SV2B: variants seen among roughly 807,000 people sequenced by gnomAD.
The protein encoded by SV2B is solute carrier family 22 member B2.
In SV2B, 41 loss-of-function variants were observed where a neutral mutation model predicts 73.9. That is an observed-to-expected ratio of 0.56 (90% confidence interval 0.43 to 0.72). The LOEUF is 0.72. Among genes scored for constraint, SV2B ranks in the 30% least tolerant of loss-of-function variants. The probability of loss-of-function intolerance (pLI) is 0.00; values close to 1 mark genes in which losing one functional copy is unlikely to be tolerated. For missense variants in SV2B, 764 were observed against 857.8 expected, an observed-to-expected ratio of 0.89 and a Z score of 1.37; for synonymous variants, 314 against 314.2, an observed-to-expected ratio of 1.00 and a Z score of 0.01.
intron 1 of SV2B, among the ~76,000 whole-genome samples, chr15:91,206,722 A>G (rs2045654377): frequency 6.6e-6 from 1 of 152,176 alleles, no homozygotes; most frequent in Admixed American, 6.5e-5. Flanking sequence ...TGGTATACTC[A>G]TAGGATATAA....
intron 1 of SV2B, among the ~76,000 whole-genome samples, chr15:91,120,186 C>T (rs2151743057): frequency 6.6e-6 from 1 of 152,296 alleles, no homozygotes; most frequent in African/African-American, 2.4e-5. Context: ...AATTGACTCA[C>T]AGTTCCACAA....
chr15:91,290,929 C>T lies in SV2B; in HGVS notation c.1868+1249C>T, dbSNP rs562590803. On this transcript the variant is annotated intron_variant, in intron 12 of 12. Transcript: ENST00000394232. This position sits in a 1 kb window ranked among gnomAD's most constrained non-coding sequence, Gnocchi z 4.7. ...CTCAGGAGGCTGAGGGGGAGAGCTG[C>T]GAGAGCCCCGGGGTTTCAGGGTTAC... 4.6e-4 allele frequency among the ~76,000 whole-genome samples: 70 copies of T among 151,870 alleles called. 1 individual carries two copies. In the East Asian group the frequency reaches 8.5e-3, roughly 18 times the overall value.
At chr15:91,275,957 G>A (rs1164903801) in intron 9 of SV2B, among the ~76,000 whole-genome samples, 1 of 152,118 alleles carries the variant, frequency 6.6e-6, no homozygotes, top group Non-Finnish European at 1.5e-5. Context: ...TTCTTGTAGT[G>A]AAATTATGAT....
At position 91,274,578 on chromosome 15, in the gene SV2B, G is replaced by A. The variant is rs150242011; in HGVS notation, c.1373+5973G>A. Among the ~76,000 whole-genome samples, 39 of 152,174 alleles carry A rather than the reference G, an allele frequency of 2.6e-4. 1 individual carries two copies. The East Asian group carries it at 7.1e-3, about 28-fold the overall frequency. On this transcript the variant is annotated intron_variant, in intron 9 of 12. Transcript: ENST00000394232. ...ATTTATCAGCATAAAAGTATTCATCGTCTTGTCTTAGGACATTTAAAATCT... is the reference window on the plus strand; with the variant it reads ...ATTTATCAGCATAAAAGTATTCATCATCTTGTCTTAGGACATTTAAAATCT...
intron 1 of SV2B, among the ~76,000 whole-genome samples, chr15:91,164,275 A>G (rs951534276): frequency 2.0e-5 from 3 of 152,212 alleles, no homozygotes; most frequent in African/African-American, 7.2e-5. Context: ...GAACCAAAAA[A>G]GAGCCCGCAT....
At chr15:91,257,885 C>G (rs2047755886) in intron 4 of SV2B, among the ~76,000 whole-genome samples, 1 of 152,188 alleles carries the variant, frequency 6.6e-6, no homozygotes, top group Non-Finnish European at 1.5e-5. Flanking sequence ...ATTCTCATCA[C>G]AGTGGTGTGT....
At chr15:91,107,918 CT>C (rs1460424967) in intron 1 of SV2B, among the ~76,000 whole-genome samples, 1 of 152,124 alleles carries the variant, frequency 6.6e-6, no homozygotes, top group African/African-American at 2.4e-5. Flanking sequence ...CCCAAGCTTC[CT>C]TACTTTCTAG....
chr15:91,169,112 G>A (rs904418288), intron 1 of SV2B, among the ~76,000 whole-genome samples: 1 of 152,158 alleles, frequency 6.6e-6, no homozygotes, highest in East Asian at 1.9e-4. Context: ...TTCTGCATAT[G>A]AAGTAGTAAT....
At chr15:91,272,544 G>A (rs576673014) in intron 9 of SV2B, among the ~76,000 whole-genome samples, 1 of 152,112 alleles carries the variant, frequency 6.6e-6, no homozygotes, top group Non-Finnish European at 1.5e-5. Context: ...TCTTACTCAG[G>A]TAGGAACGTG....
chr15:91,249,797 C>T (rs560266824), intron 2 of SV2B, among the ~76,000 whole-genome samples: 333 of 152,242 alleles, frequency 2.2e-3, no homozygotes, highest in African/African-American at 7.1e-3. Context: ...ACATGCAATC[C>T]GCCAACACTC....
chr15:91,114,115 C>T (rs1170877707), intron 1 of SV2B, among the ~76,000 whole-genome samples: 10 of 131,358 alleles, frequency 7.6e-5, no homozygotes, highest in East Asian at 2.5e-4. Context: ...ACCCAGGAGG[C>T]GGAGCTTGCA....
chr15:91,300,344 T>C lies in SV2B; in HGVS notation c.*7792T>C, dbSNP rs1196035371. On this transcript the variant is annotated 3_prime_UTR_variant, in exon 13 of 13. Coordinates refer to ENST00000394232, the MANE Select transcript of SV2B (RefSeq NM_001323032.3). Reference sequence around the variant, plus strand: ...CAGACCAAAAGGGTGTCTCTATTTTTTGTTGTTACTTCTCTGTTCTTGATG... The same window carrying C: ...CAGACCAAAAGGGTGTCTCTATTTTCTGTTGTTACTTCTCTGTTCTTGATG... 2.6e-5 allele frequency: 4 copies of C among 152,176 alleles called. No individual in the cohort carries two copies. The East Asian group carries it at 7.7e-4, about 29-fold the overall frequency. 9.4% of individuals were successfully genotyped at this position (152,176 alleles called of 1,614,324 possible). A position where few individuals can be genotyped will look rare whatever the true frequency, so the allele number is the denominator to read the frequency against.
chr15:91,253,039 G>A lies in SV2B; in HGVS notation c.784+519G>A, dbSNP rs557179578. Among the ~76,000 whole-genome samples, 30 of 152,266 alleles carry A rather than the reference G, an allele frequency of 2.0e-4. No homozygotes were observed. Among genetic ancestry groups the A allele is most frequent in the Admixed American group, 5.9e-4 (9 of 15,300 alleles). Reference sequence around the variant, plus strand: ...TGCCTGCTGTCACTCTTGTTTGGCCGTGACAGTGCAGGAGCCCTTATAGAC... The same window carrying A: ...TGCCTGCTGTCACTCTTGTTTGGCCATGACAGTGCAGGAGCCCTTATAGAC... On this transcript the variant is annotated intron_variant, in intron 4 of 12. Coordinates refer to ENST00000394232, the MANE Select transcript of SV2B (RefSeq NM_001323032.3). The surrounding 1 kb of genome is among the most constrained non-coding windows in gnomAD (Gnocchi z 5.0).
chr15:91,247,362 A>G (rs1401629257), intron 2 of SV2B, among the ~76,000 whole-genome samples: 1 of 152,234 alleles, frequency 6.6e-6, no homozygotes, highest in African/African-American at 2.4e-5. Context: ...TGTCTAGATC[A>G]GTCATGGGAT....
In SV2B at chr15:91,105,180, G is replaced by C. The variant is rs1484453763; in HGVS notation, c.-392+4817G>C. Among the ~76,000 whole-genome samples, 2 of 152,202 alleles carry C rather than the reference G, an allele frequency of 1.3e-5. No homozygotes were observed. The highest frequency in any genetic ancestry group is 4.8e-5 in the African/African-American group (2 of 41,448). ...TGAAGCATTCATTCTAGTTGAGGGAGACAAATAATATGTAAGTAAATAATG... is the reference window on the plus strand; with the variant it reads ...TGAAGCATTCATTCTAGTTGAGGGACACAAATAATATGTAAGTAAATAATG... On this transcript the variant is annotated intron_variant, in intron 1 of 12. Coordinates refer to ENST00000394232, the MANE Select transcript of SV2B (RefSeq NM_001323032.3). This position sits in a 1 kb window ranked among gnomAD's most constrained non-coding sequence, Gnocchi z 5.5.
intron 1 of SV2B, among the ~76,000 whole-genome samples, chr15:91,200,053 A>G (rs556444350): frequency 6.6e-6 from 1 of 152,342 alleles, no homozygotes; most frequent in South Asian, 2.1e-4. Flanking sequence ...GCTAAGGTGC[A>G]TTAAATGGTC....
In SV2B at chr15:91,137,307, C is replaced by A. The variant is rs1481207128; in HGVS notation, c.-392+36944C>A. On this transcript the variant is annotated intron_variant, in intron 1 of 12. Transcript: ENST00000394232. The surrounding 1 kb of genome is among the most constrained non-coding windows in gnomAD (Gnocchi z 4.9). ...CACCCTCATATTAGAGTCTACCCAC[C>A]TCCATTGTTTTAAAAATTGTGTGAT... Among the ~76,000 whole-genome samples, 1 of 152,090 alleles carries A rather than the reference C, an allele frequency of 6.6e-6. No homozygotes were observed. The highest frequency in any genetic ancestry group is 1.5e-5 in the Non-Finnish European group (1 of 68,018).
Position 91,297,444 on chromosome 15 carries a change from C to T in SV2B, c.*4892C>T, listed in dbSNP as rs903770254. 9 of 152,210 alleles carry T rather than the reference C, an allele frequency of 5.9e-5. No homozygotes were observed. The highest frequency in any genetic ancestry group is 2.2e-4 in the African/African-American group (9 of 41,444). 9.4% of individuals were successfully genotyped at this position (152,210 alleles called of 1,614,324 possible). A position where few individuals can be genotyped will look rare whatever the true frequency, so the allele number is the denominator to read the frequency against. The stretch of plus-strand genomic sequence containing the variant: ...TTAGTGCTTCTTAAACTTTTGCGTG[C>T]ATCAGAATCACCCAGAAAGATGTTA... On this transcript the variant is annotated 3_prime_UTR_variant, in exon 13 of 13. Coordinates refer to ENST00000394232, the MANE Select transcript of SV2B (RefSeq NM_001323032.3). This position sits in a 1 kb window ranked among gnomAD's most constrained non-coding sequence, Gnocchi z 5.1.
At chr15:91,107,371 G>A (rs949768308) in intron 1 of SV2B, among the ~76,000 whole-genome samples, 2 of 151,694 alleles carry the variant, frequency 1.3e-5, no homozygotes, top group African/African-American at 4.9e-5. Context: ...GGAGTGTAGT[G>A]GCACAATCTT....
Sources: allele counts gnomAD v4.1 joint callset (sites outside exome capture counted in the v4.1 genomes callset), GRCh38; gene constraint gnomAD v4.1.1; non-coding constraint Gnocchi (gnomAD v3.1); transcripts MANE v1.5; gene names NCBI Gene and HGNC (gene_info 2026-07-23, HGNC 2026-07-21).